CD109: variants seen among roughly 807,000 people sequenced by gnomAD.
CD109 encodes the protein CD109 molecule.
CD109 carries 149 observed loss-of-function variants against 165.8 expected under a neutral mutation model. The ratio of observed to expected loss-of-function variants is 0.90; its 90% CI spans 0.79 to 1.03. CD109 has a LOEUF of 1.03. Among genes scored for constraint, CD109 ranks in the 50% least tolerant of loss-of-function variants. The probability of loss-of-function intolerance (pLI) is 0.00; values close to 1 mark genes in which losing one functional copy is unlikely to be tolerated. For missense variants in CD109, 1,712 were observed against 1,677.8 expected, an observed-to-expected ratio of 1.02 and a Z score of -0.36; for synonymous variants, 585 against 592.1, an observed-to-expected ratio of 0.99 and a Z score of 0.18.
At chr6:73,684,346 A>G in the CD109 span, among the ~76,000 whole-genome samples, 1 of 151,634 alleles carries the variant, frequency 6.6e-6, no homozygotes, top group East Asian at 1.9e-4. Flanking sequence ...CAATCTCCCA[A>G]GTAGCTGGGA....
intron 31 of CD109, 135 bp downstream of exon 31, chr6:73,818,670 G>A: frequency 2.7e-6 from 2 of 739,698 alleles, no homozygotes; most frequent in South Asian, 1.8e-5. Flanking sequence ...GTTTAACATG[G>A]CAACCATATA....
At chr6:73,684,831 C>CA in the CD109 span, among the ~76,000 whole-genome samples, 1 of 152,008 alleles carries the variant, frequency 6.6e-6, no homozygotes. Flanking sequence ...ACCACGCTAC[C>CA]ATGTCTGGCT....
At chr6:73,741,637 G>A (rs1376411558) in intron 5 of CD109, among the ~76,000 whole-genome samples, 1 of 152,072 alleles carries the variant, frequency 6.6e-6, no homozygotes, top group Non-Finnish European at 1.5e-5. Flanking sequence ...GGTGTTGACA[G>A]TTTTCTCAAA....
At chr6:73,710,630 A>G (rs2150155511) in intron 2 of CD109, among the ~76,000 whole-genome samples, 1 of 152,278 alleles carries the variant, frequency 6.6e-6, no homozygotes, top group South Asian at 2.1e-4. Flanking sequence ...GTTTCTCAGT[A>G]TCAGATATTA....
At chr6:73,757,478 A>C (rs1582110242) in intron 6 of CD109, among the ~76,000 whole-genome samples, 2 of 152,330 alleles carry the variant, frequency 1.3e-5, no homozygotes, top group Admixed American at 1.3e-4. Context: ...GTCATGAAAT[A>C]TTCTTCTTCT....
chr6:73,758,592 C>T (rs923299194), intron 6 of CD109, among the ~76,000 whole-genome samples: 3 of 152,074 alleles, frequency 2.0e-5, no homozygotes, highest in Admixed American at 1.3e-4. Flanking sequence ...CCATGCTGGC[C>T]AGGCTGGTCT....
intron 14 of CD109, among the ~76,000 whole-genome samples, chr6:73,769,610 A>G (rs1773967644): frequency 6.6e-6 from 1 of 152,246 alleles, no homozygotes; most frequent in African/African-American, 2.4e-5. Context: ...TAGAAATGGA[A>G]TATGTCTAAG....
chr6:73,709,745 G>A (rs1771451939), intron 2 of CD109, among the ~76,000 whole-genome samples: 1 of 152,142 alleles, frequency 6.6e-6, no homozygotes. Flanking sequence ...TATCCACCAT[G>A]ATCAAGTGGG....
At chr6:73,799,849 C>CT in intron 23 of CD109, among the ~76,000 whole-genome samples, 1 of 57,452 alleles carries the variant, frequency 1.7e-5, no homozygotes, top group Non-Finnish European at 3.5e-5. Context: ...TTTCTCATTT[C>CT]CCCCCGCAAT....
intron 2 of CD109, among the ~76,000 whole-genome samples, chr6:73,718,569 A>ACTTTTT (rs1425778743): frequency 9.3e-5 from 14 of 150,928 alleles, no homozygotes; most frequent in Admixed American, 4.6e-4. Context: ...TGTGCATACA[A>ACTTTTT]CTTTTTTTTT....
chr6:73,740,734 A>G (rs1772744489), intron 5 of CD109, among the ~76,000 whole-genome samples: 1 of 151,510 alleles, frequency 6.6e-6, no homozygotes. Context: ...CTGGGATTAC[A>G]GGCATGCACC....
At chr6:73,786,931 T>C (rs1418406508) in intron 20 of CD109, among the ~76,000 whole-genome samples, 4 of 152,216 alleles carry the variant, frequency 2.6e-5, no homozygotes, top group Admixed American at 2.6e-4. Context: ...GAAATAGCCT[T>C]TCTGTGCACA....
chr6:73,739,118 G>A (rs9442954), intron 5 of CD109, among the ~76,000 whole-genome samples: 65,065 of 152,036 alleles, frequency 0.43, 14,737 homozygotes, highest in African/African-American at 0.58. Flanking sequence ...AAACTATATA[G>A]CAATAATTTG....
chr6:73,768,081 T>C lies in CD109; in HGVS notation c.1524T>C (p.Ala508=). The change falls in exon 14 of 33, where the codon GCT becomes GCC. Residue 508 remains alanine, a synonymous_variant. Transcript: ENST00000287097. ...TAGTATCCAGGGGACAGTTGGTGGCTGTAGGAAAACAAAATTCAACAATGT... is the reference window on the plus strand; with the variant it reads ...TAGTATCCAGGGGACAGTTGGTGGCCGTAGGAAAACAAAATTCAACAATGT... ...YMVVSRGQLV[A]VGKQNSTMFS... 6.2e-7 allele frequency: 1 copy of C among 1,613,574 alleles called. No homozygotes were observed.
chr6:73,772,218 C>T (rs1774061957), intron 15 of CD109, among the ~76,000 whole-genome samples: 1 of 151,860 alleles, frequency 6.6e-6, no homozygotes, highest in African/African-American at 2.4e-5. Flanking sequence ...ATTACAGCAC[C>T]CATTGTGCCG....
rs1232736475 is a variant in CD109, at chr6:73,696,209, C to T, written c.-7C>T. 1 of 1,545,662 alleles carries T rather than the reference C, an allele frequency of 6.5e-7. No homozygotes were observed. Among genetic ancestry groups the T allele is most frequent in the South Asian group, 1.2e-5 (1 of 84,280 alleles). On this transcript the variant is annotated 5_prime_UTR_variant, in exon 1 of 33. Transcript: ENST00000287097. ...AGCGGACTGTAGCCCAGGCAGACGC[C>T]GTCGAGATGCAGGGCCCACCGCTCC...
At position 73,799,856 on chromosome 6, in the gene CD109, C is replaced by CA. The variant is rs1554183290; in HGVS notation, c.2879-3362dup. Reference sequence around the variant, plus strand: ...ATATATGTTTTCTCATTTCCCCCCGCAATTTTTTTTTTTTTTTTAAAGACA... The same window carrying CA: ...ATATATGTTTTCTCATTTCCCCCCGCAAATTTTTTTTTTTTTTTTAAAGACA... On this transcript the variant is annotated intron_variant, in intron 23 of 32. Transcript: ENST00000287097. Among the ~76,000 whole-genome samples, 14 of 148,084 alleles carry CA rather than the reference C, an allele frequency of 9.5e-5. No individual in the cohort carries two copies. In the Admixed American group the frequency reaches 9.5e-4, roughly 10 times the overall value.
intron 17 of CD109, among the ~76,000 whole-genome samples, chr6:73,781,920 A>C (rs1490277457): frequency 6.6e-6 from 1 of 152,288 alleles, no homozygotes. Context: ...TTGGCTGCCA[A>C]GTAATAATAA....
intron 4 of CD109, among the ~76,000 whole-genome samples, chr6:73,735,840 A>G (rs1379036131): frequency 2.6e-5 from 4 of 152,182 alleles, no homozygotes; most frequent in Non-Finnish European, 5.9e-5. Flanking sequence ...AATTGTAATG[A>G]TTAGAGATAA....
Sources: gnomAD v4.1 joint callset for allele counts (sites outside exome capture counted in the v4.1 genomes callset) on GRCh38, gnomAD v4.1.1 for gene constraint, MANE v1.5 for transcripts, NCBI Gene and HGNC (gene_info 2026-07-23, HGNC 2026-07-21) for gene names.